DAAM1: variants seen among roughly 807,000 people sequenced by gnomAD.
The protein encoded by DAAM1 is dishevelled associated activator of morphogenesis 1.
DAAM1 carries 52 observed loss-of-function variants against 130.0 expected under a neutral mutation model. The ratio of observed to expected loss-of-function variants is 0.40; its 90% CI spans 0.32 to 0.50. The LOEUF (loss-of-function observed/expected upper bound fraction) is 0.50. DAAM1 is among the 20% of genes least tolerant of loss of function. DAAM1 has a pLI of 0.61. For missense variants in DAAM1, 1,134 were observed against 1,303.8 expected (o/e 0.87, Z 2.01); for synonymous variants, 452 against 444.5 (o/e 1.02, Z -0.21).
intron 1 of DAAM1, among the ~76,000 whole-genome samples, chr14:59,222,804 G>A (rs1210939832): frequency 2.6e-5 from 4 of 152,194 alleles, no homozygotes; most frequent in Admixed American, 6.5e-5. Context: ...CTTTGTGACC[G>A]ATTTTCCAAT....
intron 1 of DAAM1, among the ~76,000 whole-genome samples, chr14:59,202,735 T>C (rs1183673326): frequency 6.6e-6 from 1 of 152,242 alleles, no homozygotes; most frequent in Non-Finnish European, 1.5e-5. Flanking sequence ...TGGCAGGTGC[T>C]TTCATGTTTT....
chr14:59,234,338 C>T (rs748169331), intron 1 of DAAM1, among the ~76,000 whole-genome samples: 4 of 152,076 alleles, frequency 2.6e-5, no homozygotes, highest in Non-Finnish European at 4.4e-5. Context: ...TTGAAGAAGT[C>T]CTTCACGTCC....
chr14:59,285,283 C>A (rs1012503932), intron 2 of DAAM1, among the ~76,000 whole-genome samples: 1 of 152,100 alleles, frequency 6.6e-6, no homozygotes, highest in Admixed American at 6.6e-5. Flanking sequence ...TGCAATTAGA[C>A]CTGCGTTACA....
At chr14:59,301,180 T>G (rs1337731895) in intron 3 of DAAM1, among the ~76,000 whole-genome samples, 1 of 152,176 alleles carries the variant, frequency 6.6e-6, no homozygotes, top group Non-Finnish European at 1.5e-5. Context: ...TTTTCAGTTT[T>G]TTCCCATCTG....
At chr14:59,339,333 AGCCTT>A (rs1432472420) in intron 15 of DAAM1, among the ~76,000 whole-genome samples, 1 of 152,262 alleles carries the variant, frequency 6.6e-6, no homozygotes, top group African/African-American at 2.4e-5. Flanking sequence ...TTATCAAGTT[AGCCTT>A]GAACTTTTTA....
At chr14:59,194,844 A>G (rs1887835192) in intron 1 of DAAM1, among the ~76,000 whole-genome samples, 1 of 152,224 alleles carries the variant, frequency 6.6e-6, no homozygotes, top group Admixed American at 6.5e-5. Context: ...TAAATGGGGA[A>G]AACCAGGGAA....
intron 12 of DAAM1, among the ~76,000 whole-genome samples, chr14:59,328,251 A>G (rs2139629900): frequency 6.6e-6 from 1 of 152,362 alleles, no homozygotes; most frequent in South Asian, 2.1e-4. Context: ...AGTTCCTCAT[A>G]TGTATTCAGA....
At chr14:59,254,838 C>T (rs1881801827) in intron 1 of DAAM1, among the ~76,000 whole-genome samples, 1 of 152,182 alleles carries the variant, frequency 6.6e-6, no homozygotes. Flanking sequence ...ACTTGGAGGT[C>T]CTCTTCTTTG....
At chr14:59,287,212 C>G (rs1347420172) in intron 2 of DAAM1, among the ~76,000 whole-genome samples, 1 of 152,082 alleles carries the variant, frequency 6.6e-6, no homozygotes, top group Non-Finnish European at 1.5e-5. Context: ...CAGAAGAGGC[C>G]TTTGATAAAA....
rs555271303 is a variant in DAAM1 at position 59,199,879 on chromosome 14, A to G, written c.-38+11111A>G. On this transcript the variant is annotated intron_variant, in intron 1 of 24. Coordinates refer to ENST00000360909, the MANE Select transcript of DAAM1 (RefSeq NM_001270520.2). ...CCCCTCCTCCAGTTGAGACAGCCCA[A>G]AATGTCTCCAGACATTGCCAAATGT... 3.5e-4 allele frequency among the ~76,000 whole-genome samples: 54 copies of G among 152,302 alleles called. 2 individuals carry two copies. In the South Asian group the frequency reaches 0.011, roughly 30 times the overall value.
At chr14:59,342,181 A>G (rs1431389226) in intron 16 of DAAM1, among the ~76,000 whole-genome samples, 2 of 152,236 alleles carry the variant, frequency 1.3e-5, no homozygotes, top group Non-Finnish European at 2.9e-5. Context: ...ATTATCAATT[A>G]AAATCCAGTT....
intron 4 of DAAM1, among the ~76,000 whole-genome samples, chr14:59,320,255 C>A (rs1250054344): frequency 6.6e-6 from 1 of 152,150 alleles, no homozygotes; most frequent in Non-Finnish European, 1.5e-5. Flanking sequence ...GTAGTATCTA[C>A]ATCAAAGTGT....
intron 1 of DAAM1, among the ~76,000 whole-genome samples, chr14:59,228,652 G>A (rs186681809): frequency 1.3e-5 from 2 of 152,302 alleles, no homozygotes; most frequent in Admixed American, 1.3e-4. Context: ...GGGCCAGAGA[G>A]TCGTATTTGT....
chr14:59,359,920 A>G (rs1359508636), intron 21 of DAAM1, among the ~76,000 whole-genome samples: 7 of 151,986 alleles, frequency 4.6e-5, no homozygotes, highest in Admixed American at 4.6e-4. Flanking sequence ...CTAAAAATAA[A>G]ATGGAAAGTT....
At chr14:59,234,672 G>T (rs1021156767) in intron 1 of DAAM1, among the ~76,000 whole-genome samples, 1 of 152,196 alleles carries the variant, frequency 6.6e-6, no homozygotes, top group Non-Finnish European at 1.5e-5. Context: ...TGTTAAACGG[G>T]AGTGGTGAGA....
At position 59,341,789 on chromosome 14, in the gene DAAM1, A is replaced by G. The variant is rs550666304; in HGVS notation, c.2075+1609A>G. On this transcript the variant is annotated intron_variant, in intron 16 of 24. Coordinates refer to ENST00000360909, the MANE Select transcript of DAAM1 (RefSeq NM_001270520.2). Reference sequence around the variant, plus strand: ...TAAATTAACTTGGGGAAAGTTGTGGAGTTTTTTTTACATCCTAGAATTTCT... The same window carrying G: ...TAAATTAACTTGGGGAAAGTTGTGGGGTTTTTTTTACATCCTAGAATTTCT... Among the ~76,000 whole-genome samples, 711 of 152,294 alleles carry G rather than the reference A, an allele frequency of 4.7e-3. 7 individuals carry two copies. The highest frequency in any genetic ancestry group is 0.016 in the African/African-American group (648 of 41,578).
intron 18 of DAAM1, among the ~76,000 whole-genome samples, chr14:59,353,005 A>G (rs1482550227): frequency 2.1e-5 from 3 of 145,848 alleles, no homozygotes; most frequent in Admixed American, 6.8e-5. Context: ...AAAAAAAAAA[A>G]GAAAAAAAAA....
chr14:59,283,343 A>C (rs944960630), intron 2 of DAAM1, among the ~76,000 whole-genome samples: 1 of 152,214 alleles, frequency 6.6e-6, no homozygotes, highest in Non-Finnish European at 1.5e-5. Flanking sequence ...AAAAAGGAAG[A>C]AAAATAATTA....
At position 59,369,354 on chromosome 14, in the gene DAAM1, A is replaced by T. The variant is rs891454587; in HGVS notation, c.*495A>T. 3.9e-5 allele frequency: 6 copies of T among 153,308 alleles called. No individual in the cohort carries two copies. Among genetic ancestry groups the T allele is most frequent in the African/African-American group, 1.2e-4 (5 of 41,572 alleles). The allele number at this position is 153,308 out of a possible 1,614,324, so 9.5% of individuals were successfully genotyped here. A position where few individuals can be genotyped will look rare whatever the true frequency, so the allele number is the denominator to read the frequency against. On this transcript the variant is annotated 3_prime_UTR_variant, in exon 25 of 25. Coordinates refer to ENST00000360909, the MANE Select transcript of DAAM1 (RefSeq NM_001270520.2). ...GTTGGAAAAACATAGATTTAAAATG[A>T]TTTTTGATAGCTGACATTGTGATGT...
Sources: allele counts gnomAD v4.1 joint callset (sites outside exome capture counted in the v4.1 genomes callset), GRCh38; gene constraint gnomAD v4.1.1; transcripts MANE v1.5; gene names NCBI Gene and HGNC (gene_info 2026-07-23, HGNC 2026-07-21).